The following FAM135B variants were observed in gnomAD, a reference collection of about 807,000 sequenced individuals.
The protein encoded by FAM135B is family with sequence similarity 135 member B.
FAM135B carries 43 observed loss-of-function variants against 127.7 expected under a neutral mutation model. That is an observed-to-expected ratio of 0.34 (90% CI 0.26 to 0.43). The LOEUF (loss-of-function observed/expected upper bound fraction) is 0.43. FAM135B is among the 20% of genes least tolerant of loss of function. The pLI is 1.00. For missense variants in FAM135B, 1,558 were observed against 1,725.6 expected, an observed-to-expected ratio of 0.90 and a Z score of 1.72; for synonymous variants, 670 against 665.1, an observed-to-expected ratio of 1.01 and a Z score of -0.11.
intron 11 of FAM135B, among the ~76,000 whole-genome samples, chr8:138,175,724 C>T (rs1296867742): frequency 6.6e-6 from 1 of 152,134 alleles, no homozygotes; most frequent in Non-Finnish European, 1.5e-5. Context: ...GATTACTACC[C>T]CATTTCTCTT....
chr8:138,238,730 C>A (rs1314932934), intron 7 of FAM135B, among the ~76,000 whole-genome samples: 1 of 152,204 alleles, frequency 6.6e-6, no homozygotes, highest in African/African-American at 2.4e-5. Context: ...CGCTGGGCTT[C>A]TCAGGGATTT....
intron 1 of FAM135B, among the ~76,000 whole-genome samples, chr8:138,411,354 A>T (rs1563980079): frequency 6.6e-6 from 1 of 151,914 alleles, no homozygotes. Flanking sequence ...CAACTATCTG[A>T]TGACAAACCT....
At chr8:138,197,729 G>A (rs2131142703) in intron 7 of FAM135B, 60 bp from the exon 8 acceptor site, 1 of 1,563,130 alleles carries the variant, frequency 6.4e-7, no homozygotes, top group South Asian at 1.1e-5. Context: ...GGCAGCACAG[G>A]GCTGTGATGC....
Position 138,250,827 on chromosome 8 carries a change from T to G in FAM135B, c.542+14A>C. On this transcript the variant is annotated intron_variant, in intron 6 of 19. Coordinates refer to ENST00000395297, the MANE Select transcript of FAM135B (RefSeq NM_015912.4). ...GTGGCTCCCACATATCAGGGCTGCC[T>G]CTGAACTTCATACCTGATCAATGGC... 1.2e-6 allele frequency: 2 copies of G among 1,613,114 alleles called. No homozygotes were observed. The highest frequency in any genetic ancestry group is 1.7e-6 in the Non-Finnish European group (2 of 1,179,758).
chr8:138,149,571 G>A (rs1447642438), intron 13 of FAM135B, among the ~76,000 whole-genome samples: 1 of 152,128 alleles, frequency 6.6e-6, no homozygotes, highest in Non-Finnish European at 1.5e-5. Context: ...TAGGGGACTG[G>A]ACTCTGGAGT....
At chr8:138,485,461 T>C (rs771131478) in intron 1 of FAM135B, among the ~76,000 whole-genome samples, 83 of 152,344 alleles carry the variant, frequency 5.4e-4, no homozygotes, top group Admixed American at 1.0e-3. Flanking sequence ...AGATCAGCCT[T>C]TAGTCAGAAT....
Position 138,303,369 on chromosome 8 carries a change from A to G in FAM135B, c.157+7472T>C, listed in dbSNP as rs1026358594. ...CAAACACTGCATGCTCTCACTCATA[A>G]GTGGGAGTTGAACAATGAGAACACA... On this transcript the variant is annotated intron_variant, in intron 3 of 19. Transcript: ENST00000395297. Among the ~76,000 whole-genome samples, 12 of 152,290 alleles carry G rather than the reference A, an allele frequency of 7.9e-5. 1 individual carries two copies. In the South Asian group the frequency reaches 2.1e-3, roughly 26 times the overall value.
intron 3 of FAM135B, among the ~76,000 whole-genome samples, chr8:138,299,900 A>G (rs941464785): frequency 6.6e-6 from 1 of 152,230 alleles, no homozygotes; most frequent in Non-Finnish European, 1.5e-5. Context: ...TTTTAATATA[A>G]TTAAAATTGG....
At chr8:138,451,388 G>T (rs927360716) in intron 1 of FAM135B, among the ~76,000 whole-genome samples, 17 of 152,180 alleles carry the variant, frequency 1.1e-4, no homozygotes, top group Admixed American at 1.0e-3. Context: ...TTAGCAAAGG[G>T]CAGTTACTTG....
chr8:138,389,302 GGTAT>G (rs1281605925), intron 1 of FAM135B, among the ~76,000 whole-genome samples: 1 of 152,016 alleles, frequency 6.6e-6, no homozygotes, highest in Non-Finnish European at 1.5e-5. Context: ...TCCCATTCTG[GGTAT>G]GTATACACAA....
chr8:138,348,935 G>C (rs1231997232), intron 2 of FAM135B, among the ~76,000 whole-genome samples: 1 of 152,244 alleles, frequency 6.6e-6, no homozygotes, highest in African/African-American at 2.4e-5. Context: ...GGGAAGCCCA[G>C]AGATCTGTCT....
chr8:138,335,731 G>C (rs1369586629), intron 2 of FAM135B, among the ~76,000 whole-genome samples: 1 of 152,148 alleles, frequency 6.6e-6, no homozygotes, highest in Admixed American at 6.5e-5. Flanking sequence ...TCCAGGAATT[G>C]AGCTCAGCTC....
chr8:138,433,195 G>T (rs1211766874), intron 1 of FAM135B, among the ~76,000 whole-genome samples: 1 of 152,068 alleles, frequency 6.6e-6, no homozygotes, highest in African/African-American at 2.4e-5. Flanking sequence ...ACTGTGTAAG[G>T]TATTTTATAT....
At chr8:138,415,351 C>T (rs1360021640) in intron 1 of FAM135B, among the ~76,000 whole-genome samples, 1 of 152,172 alleles carries the variant, frequency 6.6e-6, no homozygotes, top group Non-Finnish European at 1.5e-5. Context: ...CTGTTATTAA[C>T]AGCTCCCTTC....
chr8:138,427,288 TATA>T (rs998363887), intron 1 of FAM135B, among the ~76,000 whole-genome samples: 4 of 149,760 alleles, frequency 2.7e-5, no homozygotes, highest in African/African-American at 4.9e-5. Context: ...TATATATATA[TATA>T]ATATTTATGC....
At chr8:138,326,085 C>A (rs77464542) in intron 2 of FAM135B, among the ~76,000 whole-genome samples, 4,165 of 152,232 alleles carry the variant, frequency 0.027, 132 homozygotes, top group East Asian at 0.16. Flanking sequence ...GATTGCTGAG[C>A]TGCTGGGAAA....
At chr8:138,405,774 C>A (rs897783496) in intron 1 of FAM135B, among the ~76,000 whole-genome samples, 1 of 152,004 alleles carries the variant, frequency 6.6e-6, no homozygotes, top group African/African-American at 2.4e-5. Flanking sequence ...TTCTAGATCC[C>A]TGAGGAATCG....
chr8:138,184,556 T>G (rs993812864), intron 9 of FAM135B, among the ~76,000 whole-genome samples: 1 of 152,152 alleles, frequency 6.6e-6, no homozygotes, highest in African/African-American at 2.4e-5. Flanking sequence ...AGCTTTCCCA[T>G]TCCATGGGAC....
At chr8:138,475,539 C>T (rs1814374956) in intron 1 of FAM135B, among the ~76,000 whole-genome samples, 1 of 152,144 alleles carries the variant, frequency 6.6e-6, no homozygotes, top group African/African-American at 2.4e-5. Flanking sequence ...AACCCAAAAC[C>T]TCAGAGTCAG....
Sources: gnomAD v4.1 joint callset for allele counts (sites outside exome capture counted in the v4.1 genomes callset) on GRCh38, gnomAD v4.1.1 for gene constraint, MANE v1.5 for transcripts, NCBI Gene and HGNC (gene_info 2026-07-23, HGNC 2026-07-21) for gene names.